DYNC2LI1: variants seen among roughly 807,000 people sequenced by gnomAD.
DYNC2LI1 encodes cytoplasmic dynein 2 light intermediate chain 1.
A neutral mutation model predicts 51.9 loss-of-function variants in DYNC2LI1; 45 were observed. That is an observed-to-expected ratio of 0.87 (90% CI 0.68 to 1.11). The LOEUF is 1.11. DYNC2LI1 is among the 50% of genes most tolerant of loss of function. The pLI is 0.00. For missense variants in DYNC2LI1, 490 were observed against 417.4 expected (o/e 1.17, Z -1.51); for synonymous variants, 130 against 137.8 (o/e 0.94, Z 0.40).
intron 3 of DYNC2LI1, among the ~76,000 whole-genome samples, chr2:43,785,920 A>C (rs1673504321): frequency 1.3e-5 from 2 of 150,046 alleles, no homozygotes; most frequent in Admixed American, 1.3e-4. Flanking sequence ...TAAATTTAAT[A>C]CTACTGAATT....
At chr2:43,807,235 C>T (rs960738962) in intron 12 of DYNC2LI1, among the ~76,000 whole-genome samples, 2 of 152,138 alleles carry the variant, frequency 1.3e-5, no homozygotes, top group African/African-American at 2.4e-5. Context: ...AGACCCCTTT[C>T]ATCTTTCCTG....
chr2:43,785,398 T>A (rs1038040659), intron 3 of DYNC2LI1, among the ~76,000 whole-genome samples: 1 of 151,918 alleles, frequency 6.6e-6, no homozygotes, highest in Non-Finnish European at 1.5e-5. Flanking sequence ...TGGATGAACC[T>A]TGAGGCATTA....
the DYNC2LI1 span, chr2:43,820,207 G>T: frequency 6.8e-5 from 91 of 1,345,294 alleles, no homozygotes; most frequent in Non-Finnish European, 8.4e-5. Flanking sequence ...GGTGGGAGAA[G>T]TTTGCAGGGC....
chr2:43,775,422 TG>T (rs2104651865), intron 1 of DYNC2LI1, among the ~76,000 whole-genome samples: 1 of 152,274 alleles, frequency 6.6e-6, no homozygotes, highest in African/African-American at 2.4e-5. Flanking sequence ...GTTATATATC[TG>T]TGTAAAGAAA....
chr2:43,823,569 A>C, the DYNC2LI1 span, among the ~76,000 whole-genome samples: 2 of 152,232 alleles, frequency 1.3e-5, no homozygotes, highest in South Asian at 4.1e-4. Flanking sequence ...CTAACGGTAC[A>C]AAGTTGGCCT....
intron 9 of DYNC2LI1, 52 bp from the exon 10 acceptor site, chr2:43,801,587 G>A (rs1230544198): frequency 3.7e-6 from 5 of 1,348,704 alleles, no homozygotes; most frequent in Non-Finnish European, 3.2e-6. Context: ...GGAGAGCGTG[G>A]CAGCAAATCT....
At chr2:43,792,559 TGCA>T in intron 5 of DYNC2LI1, 1 of 1,025,742 alleles carries the variant, frequency 9.7e-7, no homozygotes, top group Non-Finnish European at 1.3e-6. Flanking sequence ...TTTTTAACTG[TGCA>T]GTTCAGTAAC....
At chr2:43,821,531 C>G in the DYNC2LI1 span, among the ~76,000 whole-genome samples, 4,483 of 152,270 alleles carry the variant, frequency 0.029, 157 homozygotes, top group African/African-American at 0.083. Context: ...GCCCTCACTG[C>G]CGCAGATGCT....
chr2:43,809,942 G>A lies in DYNC2LI1; in HGVS notation c.*175G>A. ...CTGTATATCTTGAAGCTTTTTAAAA[G>A]GAAAAATTATTGTAGAACCACGTGT... On this transcript the variant is annotated 3_prime_UTR_variant, in exon 13 of 13. Coordinates refer to ENST00000260605, the MANE Select transcript of DYNC2LI1 (RefSeq NM_016008.4). 3 of 1,329,176 alleles carry A rather than the reference G, an allele frequency of 2.3e-6. No homozygotes were observed. Among genetic ancestry groups the A allele is most frequent in the South Asian group, 2.3e-5 (1 of 44,256 alleles). 82.3% of individuals were successfully genotyped at this position (1,329,176 alleles called of 1,614,324 possible).
chr2:43,787,094 G>C, intron 3 of DYNC2LI1, 87 bp from the exon 4 acceptor site: 1 of 1,075,278 alleles, frequency 9.3e-7, no homozygotes, highest in Non-Finnish European at 1.4e-6. Flanking sequence ...AAGTTTTCAA[G>C]AGGAAGGAAA....
At chr2:43,810,622 C>A, downstream of DYNC2LI1, 1 of 641,986 alleles carries the variant, frequency 1.6e-6, no homozygotes, top group Non-Finnish European at 1.9e-6. Flanking sequence ...AGCACATTTA[C>A]TACCCCAAGG....
chr2:43,810,158 A>C, downstream of DYNC2LI1: 1 of 366,182 alleles, frequency 2.7e-6, no homozygotes, highest in Non-Finnish European at 3.8e-6. Context: ...AGGCATTCTC[A>C]GCTGTAGCTG....
At chr2:43,783,137 C>T (rs754005039) in intron 2 of DYNC2LI1, among the ~76,000 whole-genome samples, 1 of 152,068 alleles carries the variant, frequency 6.6e-6, no homozygotes, top group Non-Finnish European at 1.5e-5. Flanking sequence ...TTCTTTATTT[C>T]CACTTCAACA....
chr2:43,778,738 C>T (rs936395737), intron 2 of DYNC2LI1, among the ~76,000 whole-genome samples: 5 of 152,246 alleles, frequency 3.3e-5, no homozygotes, highest in East Asian at 1.9e-4. Context: ...ATCCTCTTAG[C>T]GCTCTCTGTA....
the DYNC2LI1 span, among the ~76,000 whole-genome samples, chr2:43,825,973 C>T: frequency 9.9e-5 from 15 of 150,886 alleles, no homozygotes; most frequent in South Asian, 1.5e-3. Flanking sequence ...CTAGCACTAA[C>T]GGTTTTTTGT....
At chr2:43,824,474 A>C in the DYNC2LI1 span, 3 of 1,607,846 alleles carry the variant, frequency 1.9e-6, no homozygotes, top group Non-Finnish European at 2.5e-6. Context: ...GTGTTTTTAA[A>C]TGCATGTATG....
the DYNC2LI1 span, among the ~76,000 whole-genome samples, chr2:43,818,132 A>G: frequency 6.6e-6 from 1 of 152,164 alleles, no homozygotes; most frequent in Non-Finnish European, 1.5e-5. Flanking sequence ...AAAGTAAAAA[A>G]CAGGATGATT....
intron 8 of DYNC2LI1, among the ~76,000 whole-genome samples, chr2:43,800,514 A>G (rs561199519): frequency 6.6e-6 from 1 of 152,316 alleles, no homozygotes; most frequent in Admixed American, 6.5e-5. Context: ...TTACACACAT[A>G]CAGCCCATAA....
chr2:43,778,368 G>A (rs1379233528), intron 2 of DYNC2LI1, among the ~76,000 whole-genome samples: 5 of 152,058 alleles, frequency 3.3e-5, no homozygotes. Context: ...TGCCCAGGCT[G>A]ACCTCAAACT....
Sources: gnomAD v4.1 joint callset for allele counts (sites outside exome capture counted in the v4.1 genomes callset) on GRCh38, gnomAD v4.1.1 for gene constraint, MANE v1.5 for transcripts, NCBI Gene and HGNC (gene_info 2026-07-23, HGNC 2026-07-21) for gene names.